TRPC1: variants seen among roughly 807,000 people sequenced by gnomAD.
TRPC1 encodes transient receptor potential cation channel subfamily C member 1.
TRPC1 carries 42 observed loss-of-function variants against 88.2 expected under a neutral mutation model. The observed-to-expected ratio is 0.48, with a 90% CI of 0.37 to 0.62. TRPC1 has a LOEUF of 0.62. TRPC1 is among the 20% of genes least tolerant of loss of function. The probability of loss-of-function intolerance (pLI) is 0.00; values close to 1 mark genes in which losing one functional copy is unlikely to be tolerated. For synonymous variants in TRPC1, 288 were observed against 331.8 expected, an observed-to-expected ratio of 0.87 and a Z score of 1.43; for missense variants, 699 against 957.3, an observed-to-expected ratio of 0.73 and a Z score of 3.56.
At chr3:142,805,125 TATATACACACACACACAC>T (rs1179214760) in intron 12 of TRPC1, among the ~76,000 whole-genome samples, 3 of 123,744 alleles carry the variant, frequency 2.4e-5, no homozygotes, top group African/African-American at 1.1e-4. Flanking sequence ...AACAAATATA[TATATACACACACACACAC>T]ACACACACAC....
At chr3:142,768,914 TC>T (rs916495867) in intron 4 of TRPC1, among the ~76,000 whole-genome samples, 1 of 152,134 alleles carries the variant, frequency 6.6e-6, no homozygotes, top group Non-Finnish European at 1.5e-5. Flanking sequence ...TTATAATTAT[TC>T]CTTTAAATAA....
At chr3:142,779,831 T>C in intron 5 of TRPC1, among the ~76,000 whole-genome samples, 1 of 151,990 alleles carries the variant, frequency 6.6e-6, no homozygotes. Context: ...TAAGTTATGA[T>C]TAAGCTTAGA....
chr3:142,750,842 C>T (rs1934737242), intron 4 of TRPC1, among the ~76,000 whole-genome samples: 1 of 152,168 alleles, frequency 6.6e-6, no homozygotes, highest in Non-Finnish European at 1.5e-5. Context: ...GCATGTCTCA[C>T]TCATAAGTGG....
rs561820988 is a variant in TRPC1 at position 142,788,923 on chromosome 3, A to G, written c.1298-2096A>G. On this transcript the variant is annotated intron_variant, in intron 7 of 12. Coordinates refer to ENST00000476941, the MANE Select transcript of TRPC1 (RefSeq NM_001251845.2). ...TGCAGAGGAGCTGGGAAACTAACCA[A>G]TTGGTCTTCACTGTACTTTCATGTC... is the stretch of plus-strand genomic sequence containing the variant. Among the ~76,000 whole-genome samples the G allele has an allele frequency of 3.9e-4, 60 of 152,226 alleles. No homozygotes were observed. The Middle Eastern group carries it at 0.01, about 26-fold the overall frequency.
chr3:142,760,132 G>A (rs1294088059), intron 4 of TRPC1, among the ~76,000 whole-genome samples: 6 of 152,106 alleles, frequency 3.9e-5, no homozygotes, highest in Non-Finnish European at 7.4e-5. Context: ...GGCCTTGTCT[G>A]TGCTTTTGAG....
chr3:142,731,595 A>G (rs928716306), intron 1 of TRPC1, among the ~76,000 whole-genome samples: 1 of 151,730 alleles, frequency 6.6e-6, no homozygotes, highest in African/African-American at 2.4e-5. Flanking sequence ...TGTGTTAGCC[A>G]AGATGGTCTC....
intron 4 of TRPC1, among the ~76,000 whole-genome samples, chr3:142,757,635 G>A (rs1376922199): frequency 6.6e-6 from 1 of 151,510 alleles, no homozygotes; most frequent in Non-Finnish European, 1.5e-5. Flanking sequence ...CACACACCGG[G>A]GCCTCTTGGG....
intron 1 of TRPC1, among the ~76,000 whole-genome samples, chr3:142,731,164 T>C (rs748717928): frequency 3.3e-5 from 5 of 152,214 alleles, no homozygotes; most frequent in Non-Finnish European, 4.4e-5. Context: ...CTAAATTGAT[T>C]TTATGACTGT....
intron 1 of TRPC1, among the ~76,000 whole-genome samples, chr3:142,734,074 A>G (rs1427481825): frequency 6.6e-6 from 1 of 152,232 alleles, no homozygotes; most frequent in Non-Finnish European, 1.5e-5. Context: ...CCAATCTACC[A>G]GCACATGGAG....
chr3:142,734,998 A>G (rs1337460271), intron 1 of TRPC1, among the ~76,000 whole-genome samples: 1 of 152,140 alleles, frequency 6.6e-6, no homozygotes, highest in Non-Finnish European at 1.5e-5. Context: ...TTTGGTCACT[A>G]TTGGTTCAAC....
chr3:142,802,185 T>C lies in TRPC1; in HGVS notation c.1598T>C (p.Met533Thr). Residue 533 changes from methionine to threonine, a missense_variant, in exon 10 of 13, where the codon ATG becomes ACG. Around this residue, in one of 4 missense-constraint regions of TRPC1, gnomAD observed 426 missense variants for 641.3 expected, o/e 0.66. Transcript: ENST00000476941. ...ATTCCACAGATTTCAATGGGACAGA[T>C]GTTACAAGATTTTGGAAAATTTCTT... ...LGPLQISMGQMLQDFGKFLGM... is the reference protein window; with the variant it reads ...LGPLQISMGQTLQDFGKFLGM... 6.3e-7 allele frequency: 1 copy of C among 1,582,660 alleles called. No individual in the cohort carries two copies. The highest frequency in any genetic ancestry group is 8.6e-7 in the Non-Finnish European group (1 of 1,167,984).
chr3:142,795,150 AG>A (rs1936413380), intron 9 of TRPC1, among the ~76,000 whole-genome samples: 1 of 152,128 alleles, frequency 6.6e-6, no homozygotes, highest in Admixed American at 6.6e-5. Context: ...AGGTAACAAT[AG>A]AAACTATTCA....
intron 4 of TRPC1, among the ~76,000 whole-genome samples, chr3:142,763,983 T>TATATATATATATATATACACAC (rs1441314374): frequency 2.7e-5 from 2 of 74,324 alleles, no homozygotes; most frequent in Non-Finnish European, 5.3e-5. Context: ...TATATATATA[T>TATATATATATATATATACACAC]ACACATACAT....
chr3:142,788,517 G>A (rs1936201521), intron 7 of TRPC1, among the ~76,000 whole-genome samples: 1 of 152,054 alleles, frequency 6.6e-6, no homozygotes, highest in African/African-American at 2.4e-5. Context: ...AGTTTGAAAA[G>A]CCTTTGAGAT....
At chr3:142,756,301 A>G (rs1480970454) in intron 4 of TRPC1, among the ~76,000 whole-genome samples, 1 of 151,582 alleles carries the variant, frequency 6.6e-6, no homozygotes, top group Non-Finnish European at 1.5e-5. Flanking sequence ...GTAGTTGTCA[A>G]ACTGTTCTCC....
chr3:142,760,000 A>AT (rs1321809143), intron 4 of TRPC1, among the ~76,000 whole-genome samples: 1 of 151,612 alleles, frequency 6.6e-6, no homozygotes, highest in African/African-American at 2.4e-5. Flanking sequence ...ATTTTTTTGT[A>AT]TTTTTTTAGT....
At chr3:142,738,114 C>T (rs1475167071) in intron 2 of TRPC1, among the ~76,000 whole-genome samples, 1 of 152,148 alleles carries the variant, frequency 6.6e-6, no homozygotes, top group Non-Finnish European at 1.5e-5. Context: ...TCACAGTCAA[C>T]CTATATAGAT....
chr3:142,777,428 A>G (rs1454834327), intron 4 of TRPC1, among the ~76,000 whole-genome samples: 1 of 152,200 alleles, frequency 6.6e-6, no homozygotes, highest in Non-Finnish European at 1.5e-5. Context: ...CTAAAAAGCA[A>G]TAGATAGCAA....
chr3:142,724,350 G>T lies in TRPC1; in HGVS notation c.-210G>T. On this transcript the variant is annotated 5_prime_UTR_variant, in exon 1 of 13. Coordinates refer to ENST00000476941, the MANE Select transcript of TRPC1 (RefSeq NM_001251845.2). This position sits in a 1 kb window ranked among gnomAD's most constrained non-coding sequence, Gnocchi z 5.6. The stretch of plus-strand genomic sequence containing the variant: ...TCGCTGGCCCCGGGGCCGCGCATGC[G>T]CCGCCACCAACTTGGGGCTGTCAGT... 2.6e-6 allele frequency: 1 copy of T among 382,674 alleles called. No homozygotes were observed. The highest frequency in any genetic ancestry group is 4.5e-6 in the Non-Finnish European group (1 of 221,356). 23.7% of individuals were successfully genotyped at this position (382,674 alleles called of 1,614,324 possible). A position where few individuals can be genotyped will look rare whatever the true frequency, so the allele number is the denominator to read the frequency against.
Sources: gnomAD v4.1 joint callset for allele counts (sites outside exome capture counted in the v4.1 genomes callset) on GRCh38, gnomAD v4.1.1 for gene constraint, gnomAD v4.1.1 regional missense constraint, Gnocchi (gnomAD v3.1) non-coding constraint, MANE v1.5 for transcripts, NCBI Gene and HGNC (gene_info 2026-07-23, HGNC 2026-07-21) for gene names.